Variants in REL observed in about 807,000 individuals in gnomAD.
The protein encoded by REL is proto-oncogene c-Rel.
REL carries 15 observed loss-of-function variants against 45.9 expected under a neutral mutation model. The ratio of observed to expected loss-of-function variants is 0.33; its 90% CI spans 0.22 to 0.50. The LOEUF (loss-of-function observed/expected upper bound fraction) is 0.50, where lower values mean the gene tolerates loss of function less well. Ranked by LOEUF, REL falls within the 20% of genes least tolerant of loss-of-function variation. REL has a pLI of 0.98. For synonymous variants in REL, 239 were observed against 242.1 expected, an observed-to-expected ratio of 0.99 and a Z score of 0.12; for missense variants, 601 against 715.2, an observed-to-expected ratio of 0.84 and a Z score of 1.82.
intron 4 of REL, among the ~76,000 whole-genome samples, chr2:60,902,573 C>G (rs1673527061): frequency 6.9e-6 from 1 of 145,152 alleles, no homozygotes; most frequent in Non-Finnish European, 1.5e-5. Flanking sequence ...TTGGGTAGAA[C>G]ATAATTTGTT....
At chr2:60,901,369 C>T (rs942546769) in intron 4 of REL, among the ~76,000 whole-genome samples, 2 of 151,664 alleles carry the variant, frequency 1.3e-5, no homozygotes, top group Admixed American at 6.6e-5. Flanking sequence ...ACCATGTTAG[C>T]CAGGCTGGTC....
At chr2:60,902,131 A>G (rs972988448) in intron 4 of REL, among the ~76,000 whole-genome samples, 4 of 152,184 alleles carry the variant, frequency 2.6e-5, no homozygotes, top group Admixed American at 1.3e-4. Flanking sequence ...TTCAAAGAAT[A>G]TATTTCTTGG....
chr2:60,930,519 T>A lies in REL; in HGVS notation c.*7984T>A, dbSNP rs1419798403. ...TGCCTTTTTTTTGCCTAAGACGTAGTCAAATTAATATTTTAACTAATACAT... is the reference window on the plus strand; with the variant it reads ...TGCCTTTTTTTTGCCTAAGACGTAGACAAATTAATATTTTAACTAATACAT... On this transcript the variant is annotated 3_prime_UTR_variant, in exon 10 of 10. Coordinates refer to ENST00000394479, the MANE Select transcript of REL (RefSeq NM_001291746.2). 2 of 152,334 alleles carry A rather than the reference T, an allele frequency of 1.3e-5. No homozygotes were observed. Among genetic ancestry groups the A allele is most frequent in the African/African-American group, 4.8e-5 (2 of 41,440 alleles). The allele number at this position is 152,334 out of a possible 1,614,324, so 9.4% of individuals were successfully genotyped here. A position where few individuals can be genotyped will look rare whatever the true frequency, so the allele number is the denominator to read the frequency against.
chr2:60,900,985 C>A lies in REL; in HGVS notation c.303-7C>A, dbSNP rs1199683827. 6.3e-7 allele frequency: 1 copy of A among 1,594,130 alleles called. No individual in the cohort carries two copies. Among genetic ancestry groups the A allele is most frequent in the Middle Eastern group, 1.7e-4 (1 of 5,756 alleles). ...TGCAGTTTTGAATATTGTTTTTTTC[C>A]TGCTAGTTTCCAAAATTTGGGTATT... On this transcript the variant is annotated splice_polypyrimidine_tract_variant and splice_region_variant and intron_variant, in intron 3 of 9. Transcript: ENST00000394479.
intron 4 of REL, among the ~76,000 whole-genome samples, chr2:60,907,310 T>G (rs1009964188): frequency 6.6e-5 from 10 of 152,206 alleles, no homozygotes; most frequent in Non-Finnish European, 1.5e-4. Context: ...GGATGAGGAC[T>G]GTCTTCCTTG....
At chr2:60,914,030 T>C (rs988542067) in intron 4 of REL, among the ~76,000 whole-genome samples, 1 of 152,248 alleles carries the variant, frequency 6.6e-6, no homozygotes, top group African/African-American at 2.4e-5. Flanking sequence ...CTAGTGGAGA[T>C]ACATCAGACA....
At position 60,931,495 on chromosome 2, in the gene REL, T is replaced by C. The variant is rs1193478964; in HGVS notation, c.*8960T>C. The C allele has an allele frequency of 6.6e-6, 1 of 152,350 alleles. No individual in the cohort carries two copies. Among genetic ancestry groups the C allele is most frequent in the Non-Finnish European group, 1.5e-5 (1 of 68,026 alleles). 9.4% of individuals were successfully genotyped at this position (152,350 alleles called of 1,614,324 possible). ...TTTAATGTTAAGTTTAGTATCAAGA[T>C]ACAGTTGTTTTTAAAATGCCAAAAT... On this transcript the variant is annotated 3_prime_UTR_variant, in exon 10 of 10. Transcript: ENST00000394479.
At position 60,930,928 on chromosome 2, in the gene REL, C is replaced by T. The variant is rs1315947894; in HGVS notation, c.*8393C>T. The T allele has an allele frequency of 6.6e-6, 1 of 152,276 alleles. No individual in the cohort carries two copies. Among genetic ancestry groups the T allele is most frequent in the Admixed American group, 6.5e-5 (1 of 15,278 alleles). The allele number at this position is 152,276 out of a possible 1,614,324, so 9.4% of individuals were successfully genotyped here. On this transcript the variant is annotated 3_prime_UTR_variant, in exon 10 of 10. Transcript: ENST00000394479. The stretch of plus-strand genomic sequence containing the variant: ...TAATTAGTACAGCATGTTGCTTCTT[C>T]AACAAATTGAGTTTTCAGGGAAATC...
At chr2:60,908,296 G>C (rs1673717133) in intron 4 of REL, among the ~76,000 whole-genome samples, 1 of 152,138 alleles carries the variant, frequency 6.6e-6, no homozygotes, top group African/African-American at 2.4e-5. Context: ...TAAGTGCCTT[G>C]AGCTATTGAG....
chr2:60,910,199 C>T (rs1673772859), intron 4 of REL, among the ~76,000 whole-genome samples: 2 of 152,088 alleles, frequency 1.3e-5, no homozygotes, highest in Non-Finnish European at 2.9e-5. Context: ...GGCACGGTGG[C>T]TCACACCTGT....
intron 4 of REL, 30 bp from the exon 5 acceptor site, chr2:60,916,847 A>T: frequency 6.4e-7 from 1 of 1,568,478 alleles, no homozygotes. Flanking sequence ...TGTGACTATT[A>T]CATTTAAAAA....
At chr2:60,899,113 C>G (rs1475002968) in intron 3 of REL, 1 of 151,974 alleles carries the variant, frequency 6.6e-6, no homozygotes, top group African/African-American at 2.4e-5. Context: ...AGAATCAAAC[C>G]AAGAATCTTT....
intron 4 of REL, among the ~76,000 whole-genome samples, chr2:60,915,564 C>T (rs1331904235): frequency 6.6e-6 from 1 of 152,178 alleles, no homozygotes; most frequent in East Asian, 1.9e-4. Context: ...AAAAACAGTA[C>T]AAAATACATT....
intron 1 of REL, among the ~76,000 whole-genome samples, chr2:60,883,700 G>C (rs1673003572): frequency 6.6e-6 from 1 of 152,140 alleles, no homozygotes; most frequent in East Asian, 1.9e-4. Flanking sequence ...AGACCCACAG[G>C]ATTTTAAAAT....
rs746844575 is a variant in REL, at chr2:60,922,449, G to C, written c.1678G>C (p.Val560Leu). ...TACTAATCCAAACAGTCATGGTTTT[G>C]TTCAAGATAGTCAGTATTCAGGTAT... Reference protein sequence around the residue: ...NSTNPNSHGFVQDSQYSGIGS... With the variant: ...NSTNPNSHGFLQDSQYSGIGS... Residue 560 changes from valine (V) to leucine (L), a missense_variant, in exon 10 of 10, where the codon GTT (valine) becomes CTT (leucine). Val to Leu is a conservative substitution (Grantham distance 32). This residue lies in a region of REL where 334 missense variants were observed against 333.1 expected (regional missense o/e 1.00). Transcript: ENST00000394479. The C allele has an allele frequency of 1.2e-6, 2 of 1,613,978 alleles. No individual in the cohort carries two copies. Among genetic ancestry groups the C allele is most frequent in the Non-Finnish European group, 8.5e-7 (1 of 1,179,980 alleles).
chr2:60,896,407 A>G (rs2103937322), intron 3 of REL, among the ~76,000 whole-genome samples: 1 of 152,330 alleles, frequency 6.6e-6, no homozygotes, highest in East Asian at 1.9e-4. Flanking sequence ...ATACTAAGGT[A>G]TTAATAGTAG....
At chr2:60,895,383 G>T (rs1238923661) in intron 3 of REL, among the ~76,000 whole-genome samples, 3 of 151,904 alleles carry the variant, frequency 2.0e-5, no homozygotes, top group African/African-American at 7.3e-5. Flanking sequence ...GGTTTTGCTT[G>T]TTGCCGAGGG....
At chr2:60,888,530 A>G (rs1410179151) in intron 1 of REL, among the ~76,000 whole-genome samples, 3 of 152,228 alleles carry the variant, frequency 2.0e-5, no homozygotes, top group African/African-American at 7.2e-5. Context: ...TGAATTTGAA[A>G]TCTTTAAAAT....
In REL at chr2:60,881,593, G is replaced by T. The variant is rs1672935871; in HGVS notation, c.-248G>T. The T allele has an allele frequency of 6.1e-6, 3 of 491,294 alleles. No homozygotes were observed. Among genetic ancestry groups the T allele is most frequent in the South Asian group, 5.4e-5 (2 of 37,298 alleles). 30.4% of individuals were successfully genotyped at this position (491,294 alleles called of 1,614,324 possible). Reference sequence around the variant, plus strand: ...GCCAGCACTCGGCTCTCCCCGCTCCGCCCCCTGCCCCTGGCTCCCGTACGG... The same window carrying T: ...GCCAGCACTCGGCTCTCCCCGCTCCTCCCCCTGCCCCTGGCTCCCGTACGG... On this transcript the variant is annotated 5_prime_UTR_variant, in exon 1 of 10. Transcript: ENST00000394479.
Sources: gnomAD v4.1 joint callset for allele counts (sites outside exome capture counted in the v4.1 genomes callset) on GRCh38, gnomAD v4.1.1 for gene constraint, gnomAD v4.1.1 regional missense constraint, MANE v1.5 for transcripts, NCBI Gene and HGNC (gene_info 2026-07-23, HGNC 2026-07-21) for gene names.